Variants in NTNG1 observed in about 807,000 individuals in gnomAD.
The protein encoded by NTNG1 is netrin G1.
A neutral mutation model predicts 54.0 loss-of-function variants in NTNG1; 16 were observed. That is an observed-to-expected ratio of 0.30 (90% confidence interval 0.20 to 0.45). NTNG1 has a LOEUF of 0.45. NTNG1 is among the 20% of genes least tolerant of loss of function. NTNG1 has a pLI of 1.00. For missense variants in NTNG1, 530 were observed against 678.7 expected, an observed-to-expected ratio of 0.78 and a Z score of 2.43; for synonymous variants, 255 against 263.1, an observed-to-expected ratio of 0.97 and a Z score of 0.30.
intron 3 of NTNG1, among the ~76,000 whole-genome samples, chr1:107,376,735 A>G (rs894384661): frequency 6.6e-6 from 1 of 152,116 alleles, no homozygotes; most frequent in Admixed American, 6.5e-5. Context: ...AATTGCTGAC[A>G]TAGTATCTCG....
chr1:107,196,701 T>C (rs1658360295), intron 2 of NTNG1, among the ~76,000 whole-genome samples: 1 of 151,978 alleles, frequency 6.6e-6, no homozygotes, highest in Non-Finnish European at 1.5e-5. Flanking sequence ...ATGGAAAAAC[T>C]GTTATGAGTT....
At chr1:107,276,967 G>A (rs1664519862) in intron 2 of NTNG1, among the ~76,000 whole-genome samples, 1 of 152,044 alleles carries the variant, frequency 6.6e-6, no homozygotes, top group South Asian at 2.1e-4. Flanking sequence ...GAGAACTGCT[G>A]TGAGGAAAAA....
rs139379612 is a variant in NTNG1, at chr1:107,343,889, A to G, written c.887+18967A>G. On this transcript the variant is annotated intron_variant, in intron 3 of 7. Coordinates refer to ENST00000370068, the MANE Select transcript of NTNG1 (RefSeq NM_001113226.3). ...AAGGGGGCTGCTGCACTTGGAAGTT[A>G]CACAAAACCATTCTGAGATGGAGAG... Among the ~76,000 whole-genome samples, 208 of 152,274 alleles carry G rather than the reference A, an allele frequency of 1.4e-3. 1 individual carries two copies. The highest frequency in any genetic ancestry group is 4.7e-3 in the African/African-American group (195 of 41,572).
At chr1:107,329,192 A>C (rs7521751) in intron 3 of NTNG1, among the ~76,000 whole-genome samples, 88,895 of 151,978 alleles carry the variant, frequency 0.58, 28,221 homozygotes, top group Non-Finnish European at 0.71. Context: ...ACTTCGACAA[A>C]ACTTTTTGGT....
chr1:107,471,143 A>G (rs567442737), intron 7 of NTNG1, among the ~76,000 whole-genome samples: 1 of 152,188 alleles, frequency 6.6e-6, no homozygotes, highest in Non-Finnish European at 1.5e-5. Flanking sequence ...GATGAGTAAG[A>G]ATAGAATGGC....
intron 4 of NTNG1, among the ~76,000 whole-genome samples, chr1:107,399,990 T>C (rs1672913844): frequency 6.6e-6 from 1 of 152,166 alleles, no homozygotes; most frequent in African/African-American, 2.4e-5. Flanking sequence ...GTTCTCAGTC[T>C]ACAATTTTTT....
chr1:107,483,624 G>A lies in NTNG1; in HGVS notation c.*2784G>A, dbSNP rs111794002. 5.4e-3 allele frequency among the ~76,000 whole-genome samples: 821 copies of A among 152,296 alleles called. 5 individuals carry two copies. The highest frequency in any genetic ancestry group is 0.034 in the Middle Eastern group (10 of 294). ...TCTACAATGTTGTGCCCTAAGAACAGGACTGGGGTGAAAAGCGGGTACTCA... is the reference window on the plus strand; with the variant it reads ...TCTACAATGTTGTGCCCTAAGAACAAGACTGGGGTGAAAAGCGGGTACTCA... On this transcript the variant is annotated 3_prime_UTR_variant, in exon 8 of 8. Transcript: ENST00000370068.
chr1:107,430,953 C>A, intron 6 of NTNG1, 36 bp downstream of exon 6: 3 of 1,598,100 alleles, frequency 1.9e-6, no homozygotes, highest in South Asian at 1.1e-5. Context: ...TTCTTCTGTG[C>A]CTTTTGAGCT....
At chr1:107,401,063 T>C (rs1405312994) in intron 4 of NTNG1, among the ~76,000 whole-genome samples, 1 of 152,182 alleles carries the variant, frequency 6.6e-6, no homozygotes, top group Non-Finnish European at 1.5e-5. Flanking sequence ...TATGTGGCCT[T>C]CACAGGTCAC....
chr1:107,384,507 A>C (rs1671844374), intron 3 of NTNG1, among the ~76,000 whole-genome samples: 1 of 152,176 alleles, frequency 6.6e-6, no homozygotes, highest in South Asian at 2.1e-4. Context: ...CTCAGTTTTT[A>C]GTTTACATTC....
chr1:107,322,001 T>C (rs1667686651), intron 2 of NTNG1, among the ~76,000 whole-genome samples: 1 of 152,162 alleles, frequency 6.6e-6, no homozygotes, highest in Non-Finnish European at 1.5e-5. Flanking sequence ...CCCAGGAAAA[T>C]GTACGTAGTG....
At position 107,412,341 on chromosome 1, in the gene NTNG1, G is replaced by C. The variant is rs1673874358; in HGVS notation, c.1087+4633G>C. Among the ~76,000 whole-genome samples, 6 of 152,222 alleles carry C rather than the reference G, an allele frequency of 3.9e-5. 1 individual carries two copies. The South Asian group carries it at 1.2e-3, about 32-fold the overall frequency. ...GTCCAACTAACCATGCCACTGCCTA[G>C]GAAAAGTTATTGTAGGGAGGTATTC... On this transcript the variant is annotated intron_variant, in intron 5 of 7. Transcript: ENST00000370068.
chr1:107,417,457 G>C (rs1000990032), intron 5 of NTNG1, among the ~76,000 whole-genome samples: 1 of 152,072 alleles, frequency 6.6e-6, no homozygotes, highest in African/African-American at 2.4e-5. Flanking sequence ...ATAGCCACTT[G>C]GTATCTATTT....
intron 1 of NTNG1, among the ~76,000 whole-genome samples, chr1:107,141,714 A>T (rs1374292064): frequency 3.9e-5 from 6 of 152,024 alleles, no homozygotes; most frequent in African/African-American, 1.4e-4. Context: ...CGGGCCGGTG[A>T]TGCGTCCTCT....
intron 3 of NTNG1, among the ~76,000 whole-genome samples, chr1:107,340,304 C>A (rs1352645315): frequency 6.6e-6 from 1 of 152,016 alleles, no homozygotes; most frequent in African/African-American, 2.4e-5. Flanking sequence ...GAGGTGGTTT[C>A]AGACACACAG....
chr1:107,268,689 A>C (rs1307212321), intron 2 of NTNG1, among the ~76,000 whole-genome samples: 4 of 152,070 alleles, frequency 2.6e-5, no homozygotes, highest in African/African-American at 9.7e-5. Context: ...ATTTCACATC[A>C]CCAAGTTCCT....
At chr1:107,448,787 A>G (rs2101470003) in intron 7 of NTNG1, among the ~76,000 whole-genome samples, 1 of 152,194 alleles carries the variant, frequency 6.6e-6, no homozygotes, top group East Asian at 1.9e-4. Flanking sequence ...TATTCTACGA[A>G]TCCAAATCAT....
intron 3 of NTNG1, among the ~76,000 whole-genome samples, chr1:107,363,715 C>T (rs186481617): frequency 2.0e-4 from 31 of 152,150 alleles, no homozygotes; most frequent in Non-Finnish European, 2.9e-4. Flanking sequence ...GGCTCATCTC[C>T]ACCAACAGGC....
intron 2 of NTNG1, among the ~76,000 whole-genome samples, chr1:107,254,866 A>G (rs1662830482): frequency 6.6e-6 from 1 of 152,188 alleles, no homozygotes; most frequent in African/African-American, 2.4e-5. Context: ...TTAGACACAC[A>G]GCTTTAGTAT....
Sources: gnomAD v4.1 joint callset for allele counts (sites outside exome capture counted in the v4.1 genomes callset) on GRCh38, gnomAD v4.1.1 for gene constraint, MANE v1.5 for transcripts, NCBI Gene and HGNC (gene_info 2026-07-23, HGNC 2026-07-21) for gene names.